SLIT1: variants seen among roughly 807,000 people sequenced by gnomAD.
SLIT1 encodes the protein slit homolog 1 protein.
Under a neutral mutation model 186.1 loss-of-function variants are expected in SLIT1, and 66 were observed. The ratio of observed to expected loss-of-function variants is 0.35; its 90% CI spans 0.29 to 0.44. The LOEUF (loss-of-function observed/expected upper bound fraction) is 0.44. Among genes scored for constraint, SLIT1 ranks in the 20% least tolerant of loss-of-function variants. The pLI is 1.00. For missense variants in SLIT1, 1,638 were observed against 2,037.4 expected, an observed-to-expected ratio of 0.80 and a Z score of 3.77; for synonymous variants, 761 against 833.8, an observed-to-expected ratio of 0.91 and a Z score of 1.50.
In SLIT1 at chr10:97,001,496, A is replaced by G. The variant is rs1041049240; in HGVS notation, c.4367-146T>C. ...CTCAGACCCCACCTCTGTCCCCAGCATACTTCCGCCTCCCACTGACATGCA... is the reference window on the plus strand; with the variant it reads ...CTCAGACCCCACCTCTGTCCCCAGCGTACTTCCGCCTCCCACTGACATGCA... On this transcript the variant is annotated intron_variant, in intron 36 of 36. Transcript: ENST00000266058. 6.2e-6 allele frequency: 4 copies of G among 649,718 alleles called. No individual in the cohort carries two copies. In the African/African-American group the frequency reaches 7.3e-5, roughly 12 times the overall value. 40.2% of individuals were successfully genotyped at this position (649,718 alleles called of 1,614,324 possible). A position where few individuals can be genotyped will look rare whatever the true frequency, so the allele number is the denominator to read the frequency against.
intron 4 of SLIT1, among the ~76,000 whole-genome samples, chr10:97,148,289 C>CTT (rs34334845): frequency 6.9e-5 from 10 of 144,940 alleles, no homozygotes; most frequent in African/African-American, 2.0e-4. Context: ...TAGTACTAAG[C>CTT]TTTTTTTTTT....
In SLIT1 at chr10:97,060,098, C is replaced by G. The variant is rs1848878326; in HGVS notation, c.1002G>C (p.Lys334Asn). The stretch of plus-strand genomic sequence containing the variant: ...TGGGAGGCACTCACATCCTCCGTAG[C>G]TTTCTGTAGGGTGAGAAGGCTCCAG... The part of the protein sequence containing the change: ...IPPGAFSPYR[K>N]LRRIDLSNNQ... The change falls in exon 10 of 37, where the codon AAG becomes AAC. Residue 334 changes from lysine to asparagine, a missense_variant. By Grantham distance (94) the Lys-to-Asn change is moderately conservative (BLOSUM62 0). Around this residue, in one of 3 missense-constraint regions of SLIT1, gnomAD observed 1,245 missense variants for 1,535.3 expected, o/e 0.81. Coordinates refer to ENST00000266058, the MANE Select transcript of SLIT1 (RefSeq NM_003061.3). The G allele has an allele frequency of 9.9e-6, 16 of 1,613,720 alleles. No individual in the cohort carries two copies. Among genetic ancestry groups the G allele is most frequent in the Non-Finnish European group, 1.4e-5 (16 of 1,179,568 alleles).
chr10:97,038,897 G>A (rs189168694), intron 21 of SLIT1, among the ~76,000 whole-genome samples: 32 of 152,232 alleles, frequency 2.1e-4, no homozygotes, highest in Admixed American at 3.9e-4. Context: ...AAAGATTTTC[G>A]CAGGCTCTGA....
chr10:97,066,985 G>T (rs561808494), intron 4 of SLIT1, among the ~76,000 whole-genome samples: 1 of 152,334 alleles, frequency 6.6e-6, no homozygotes, highest in Admixed American at 6.5e-5. Context: ...CTTACGCTCT[G>T]TGTCTTATGC....
intron 4 of SLIT1, among the ~76,000 whole-genome samples, chr10:97,108,844 C>T (rs1419728025): frequency 2.2e-5 from 3 of 139,186 alleles, no homozygotes; most frequent in South Asian, 2.5e-4. Flanking sequence ...GCTAAGATCG[C>T]GCCACTGCGC....
chr10:97,036,564 A>G (rs986800859), intron 22 of SLIT1, among the ~76,000 whole-genome samples: 2 of 152,264 alleles, frequency 1.3e-5, no homozygotes, highest in African/African-American at 2.4e-5. Context: ...CATTGTTTCC[A>G]TAGCAAGACT....
In SLIT1 at chr10:97,043,534, G is replaced by A; in HGVS notation, c.1854-21C>T. The stretch of plus-strand genomic sequence containing the variant: ...GCATTCTGGGGAGGAACGGGGGAGG[G>A]AGGAGGGGACCCTTGCTGCCCTGCC... On this transcript the variant is annotated intron_variant, in intron 18 of 36. Coordinates refer to ENST00000266058, the MANE Select transcript of SLIT1 (RefSeq NM_003061.3). The surrounding 1 kb of genome is among the most constrained non-coding windows in gnomAD (Gnocchi z 7.0). 1 of 1,608,236 alleles carries A rather than the reference G, an allele frequency of 6.2e-7. No individual in the cohort carries two copies. Among genetic ancestry groups the A allele is most frequent in the Non-Finnish European group, 8.5e-7 (1 of 1,176,740 alleles).
chr10:97,044,928 T>C (rs1166835656), intron 18 of SLIT1, among the ~76,000 whole-genome samples: 1 of 152,124 alleles, frequency 6.6e-6, no homozygotes, highest in African/African-American at 2.4e-5. Flanking sequence ...CTTTGGGAGG[T>C]AATGAGGTCA....
intron 13 of SLIT1, among the ~76,000 whole-genome samples, chr10:97,052,989 G>T (rs967886034): frequency 2.6e-5 from 4 of 152,142 alleles, no homozygotes; most frequent in African/African-American, 9.7e-5. Flanking sequence ...AATTAAAGGG[G>T]CAGCTAAGTA....
chr10:97,003,804 G>A (rs956245466), intron 34 of SLIT1, among the ~76,000 whole-genome samples: 1 of 152,168 alleles, frequency 6.6e-6, no homozygotes, highest in Non-Finnish European at 1.5e-5. Flanking sequence ...TGTGCCCAAG[G>A]TGTTGCAGAT....
At chr10:97,042,766 C>G (rs1175835429) in intron 20 of SLIT1, 135 bp downstream of exon 20, 1 of 903,500 alleles carries the variant, frequency 1.1e-6, no homozygotes, top group Non-Finnish European at 1.7e-6. Flanking sequence ...CAGGGCCTCC[C>G]CTCCCCACCT....
intron 4 of SLIT1, among the ~76,000 whole-genome samples, chr10:97,152,617 C>T (rs1267701225): frequency 6.6e-6 from 1 of 152,220 alleles, no homozygotes; most frequent in African/African-American, 2.4e-5. Context: ...CATCGTATCA[C>T]AGGCATTTGC....
At chr10:97,067,982 A>G (rs1476807643) in intron 4 of SLIT1, among the ~76,000 whole-genome samples, 2 of 152,178 alleles carry the variant, frequency 1.3e-5, no homozygotes, top group Admixed American at 6.5e-5. Context: ...GAGAAACCCA[A>G]CGGTGTGCAC....
rs746138250 is a variant in SLIT1 at position 97,043,001 on chromosome 10, C to T, written c.2064G>A (p.Lys688=). Residue 688 remains lysine, a synonymous_variant, in exon 20 of 37, where the codon AAG becomes AAA. Transcript: ENST00000266058. This position sits in a 1 kb window ranked among gnomAD's most constrained non-coding sequence, Gnocchi z 7.0. ...GCGGGTTCCCCGTCACGATCTTGCGCTTCCGTAGCCAGCCTCCTAGCCAGG... is the reference window on the plus strand; with the variant it reads ...GCGGGTTCCCCGTCACGATCTTGCGTTTCCGTAGCCAGCCTCCTAGCCAGG... ...QLAWLGGWLR[K]RKIVTGNPRC... is the part of the protein sequence containing the mutation. 5.3e-5 allele frequency: 85 copies of T among 1,614,166 alleles called. No homozygotes were observed. Among genetic ancestry groups the T allele is most frequent in the Non-Finnish European group, 6.8e-5 (80 of 1,180,064 alleles).
At chr10:97,042,107 G>A (rs1242492027) in intron 20 of SLIT1, among the ~76,000 whole-genome samples, 1 of 152,134 alleles carries the variant, frequency 6.6e-6, no homozygotes, top group African/African-American at 2.4e-5. Flanking sequence ...ATACCCTGAT[G>A]GTGTTTCTTG....
chr10:97,140,138 G>A (rs1012615998), intron 4 of SLIT1, among the ~76,000 whole-genome samples: 10 of 152,140 alleles, frequency 6.6e-5, no homozygotes, highest in Non-Finnish European at 1.3e-4. Flanking sequence ...TGACCATGGG[G>A]AGGGTGAAAG....
In SLIT1 at chr10:97,010,918, T is replaced by A; in HGVS notation, c.3341+75A>T. 1 of 1,458,736 alleles carries A rather than the reference T, an allele frequency of 6.9e-7. No homozygotes were observed. Among genetic ancestry groups the A allele is most frequent in the Non-Finnish European group, 9.4e-7 (1 of 1,062,528 alleles). 90.4% of individuals were successfully genotyped at this position (1,458,736 alleles called of 1,614,324 possible). The stretch of plus-strand genomic sequence containing the variant: ...TGACCCACACCCCTTTCCTTCGCCA[T>A]GGCTGGAGGCTCCTGCCAGCCCAGG... On this transcript the variant is annotated intron_variant, in intron 31 of 36. Coordinates refer to ENST00000266058, the MANE Select transcript of SLIT1 (RefSeq NM_003061.3). This position sits in a 1 kb window ranked among gnomAD's most constrained non-coding sequence, Gnocchi z 4.8.
chr10:97,175,389 A>G (rs148005491), intron 1 of SLIT1, among the ~76,000 whole-genome samples: 295 of 152,202 alleles, frequency 1.9e-3, no homozygotes, highest in African/African-American at 5.8e-3. Flanking sequence ...CCCTGTGTTC[A>G]GTTCTTTTGG....
intron 4 of SLIT1, among the ~76,000 whole-genome samples, chr10:97,148,571 T>C (rs1849842313): frequency 6.6e-6 from 1 of 152,210 alleles, no homozygotes; most frequent in Non-Finnish European, 1.5e-5. Flanking sequence ...TGAGCCACCA[T>C]GCCTGGCCTA....
Sources: gnomAD v4.1 joint callset for allele counts (sites outside exome capture counted in the v4.1 genomes callset) on GRCh38, gnomAD v4.1.1 for gene constraint, gnomAD v4.1.1 regional missense constraint, Gnocchi (gnomAD v3.1) non-coding constraint, MANE v1.5 for transcripts, NCBI Gene and HGNC (gene_info 2026-07-23, HGNC 2026-07-21) for gene names.